Variants in NELL2 observed in about 807,000 individuals in gnomAD.
NELL2 encodes neural EGFL like 2, also known as protein kinase C-binding protein NELL2.
In NELL2, 41 loss-of-function variants were observed where a neutral mutation model predicts 109.6. The ratio of observed to expected loss-of-function variants is 0.37; its 90% CI spans 0.29 to 0.49. The LOEUF is 0.49. NELL2 is among the 20% of genes least tolerant of loss of function. NELL2 has a pLI of 0.98. For missense variants in NELL2, 900 were observed against 1,008.3 expected (o/e 0.89, Z 1.45); for synonymous variants, 355 against 344.7 (o/e 1.03, Z -0.33).
intron 12 of NELL2, among the ~76,000 whole-genome samples, chr12:44,676,338 T>C (rs990936338): frequency 6.6e-6 from 1 of 152,118 alleles, no homozygotes; most frequent in South Asian, 2.1e-4. Context: ...ATATAAAATT[T>C]CTAAGTTTAA....
intron 15 of NELL2, among the ~76,000 whole-genome samples, chr12:44,592,983 A>T (rs555160448): frequency 8.5e-5 from 13 of 152,102 alleles, no homozygotes; most frequent in Non-Finnish European, 1.8e-4. Context: ...AATTTGGAAC[A>T]CTCTGCTACA....
intron 3 of NELL2, among the ~76,000 whole-genome samples, chr12:44,811,337 T>TAACAAAAAAAAAAAA (rs1943171164): frequency 9.7e-6 from 1 of 103,210 alleles, no homozygotes; most frequent in African/African-American, 4.0e-5. Context: ...GAACTAAAAG[T>TAACAAAAAAAAAAAA]AAAAAAAAAA....
At chr12:44,661,363 A>T (rs1038513874) in intron 13 of NELL2, among the ~76,000 whole-genome samples, 1 of 152,084 alleles carries the variant, frequency 6.6e-6, no homozygotes, top group African/African-American at 2.4e-5. Flanking sequence ...TTGCACTAAA[A>T]CTTTTTAATA....
At chr12:44,585,527 G>C (rs1373193015) in intron 15 of NELL2, among the ~76,000 whole-genome samples, 1 of 151,974 alleles carries the variant, frequency 6.6e-6, no homozygotes, top group East Asian at 1.9e-4. Context: ...AATAAAACAA[G>C]AGTTAAATAT....
At chr12:44,583,936 C>T (rs1944411035) in intron 15 of NELL2, among the ~76,000 whole-genome samples, 1 of 152,230 alleles carries the variant, frequency 6.6e-6, no homozygotes, top group Non-Finnish European at 1.5e-5. Flanking sequence ...CCACACCTGG[C>T]TAATTTTTGT....
intron 5 of NELL2, 74 bp from the exon 6 acceptor site, chr12:44,777,388 G>T: frequency 8.3e-7 from 1 of 1,200,068 alleles, no homozygotes; most frequent in Non-Finnish European, 1.2e-6. Context: ...TCAAGTTCAT[G>T]AAGGAAAATA....
At chr12:44,561,845 A>G (rs1943477662) in intron 15 of NELL2, among the ~76,000 whole-genome samples, 1 of 152,242 alleles carries the variant, frequency 6.6e-6, no homozygotes, top group Non-Finnish European at 1.5e-5. Flanking sequence ...GAACCAAAAA[A>G]GAGTCTGTAT....
intron 15 of NELL2, among the ~76,000 whole-genome samples, chr12:44,568,825 T>C (rs1308715386): frequency 6.6e-6 from 1 of 152,090 alleles, no homozygotes; most frequent in East Asian, 1.9e-4. Context: ...TAGTTAGGCT[T>C]TTAAATTAGA....
chr12:44,862,393 T>C (rs910541659), intron 2 of NELL2, among the ~76,000 whole-genome samples: 1 of 152,112 alleles, frequency 6.6e-6, no homozygotes, highest in Admixed American at 6.6e-5. Flanking sequence ...TGTCAAATCC[T>C]AGAAAATGTA....
chr12:44,883,261 A>ATCTAG (rs1479031948), intron 1 of NELL2, among the ~76,000 whole-genome samples: 1 of 151,984 alleles, frequency 6.6e-6, no homozygotes, highest in African/African-American at 2.4e-5. Context: ...CTAGGGAAGA[A>ATCTAG]TCTATTTCTA....
intron 16 of NELL2, among the ~76,000 whole-genome samples, chr12:44,527,525 A>G (rs1398942354): frequency 1.3e-5 from 2 of 152,222 alleles, no homozygotes; most frequent in Non-Finnish European, 2.9e-5. Flanking sequence ...TAACCTAAAA[A>G]GTAATGACAC....
chr12:44,648,128 G>A (rs1176324599), intron 13 of NELL2, among the ~76,000 whole-genome samples: 4 of 152,114 alleles, frequency 2.6e-5, no homozygotes, highest in Non-Finnish European at 5.9e-5. Flanking sequence ...AGAGATATAG[G>A]GCTGGACTCT....
chr12:44,727,672 G>A (rs1225803215), intron 9 of NELL2, among the ~76,000 whole-genome samples: 1 of 151,894 alleles, frequency 6.6e-6, no homozygotes, highest in Non-Finnish European at 1.5e-5. Context: ...TATTTGTTGA[G>A]GTATATCGTA....
chr12:44,764,259 A>C (rs1941240501), intron 9 of NELL2, among the ~76,000 whole-genome samples: 2 of 152,178 alleles, frequency 1.3e-5, no homozygotes, highest in Admixed American at 1.3e-4. Flanking sequence ...TATCAAAAAC[A>C]AGTAAAATCC....
At chr12:44,746,706 C>T (rs1025635761) in intron 9 of NELL2, among the ~76,000 whole-genome samples, 1 of 152,206 alleles carries the variant, frequency 6.6e-6, no homozygotes, top group Non-Finnish European at 1.5e-5. Flanking sequence ...AAATGCTCAT[C>T]ATCACTGGCC....
At chr12:44,908,999 T>G (rs1019395889) in intron 1 of NELL2, among the ~76,000 whole-genome samples, 3 of 151,792 alleles carry the variant, frequency 2.0e-5, no homozygotes, top group African/African-American at 7.3e-5. Flanking sequence ...ACAGAGTAAT[T>G]GAGAAATCAA....
At chr12:44,761,680 T>C (rs34775637) in intron 9 of NELL2, among the ~76,000 whole-genome samples, 19,928 of 152,212 alleles carry the variant, frequency 0.13, 1,570 homozygotes, top group East Asian at 0.23. Context: ...ATATACATCA[T>C]GGAATACTAC....
chr12:44,673,845 T>C (rs1354749229), intron 12 of NELL2, among the ~76,000 whole-genome samples: 1 of 152,138 alleles, frequency 6.6e-6, no homozygotes, highest in Non-Finnish European at 1.5e-5. Flanking sequence ...GTCAAATAAG[T>C]TTCAAGACCA....
At chr12:44,655,784 A>G (rs1947478441) in intron 13 of NELL2, among the ~76,000 whole-genome samples, 1 of 152,140 alleles carries the variant, frequency 6.6e-6, no homozygotes, top group Admixed American at 6.5e-5. Flanking sequence ...ATATTTTCAA[A>G]TTACTTAATA....
Sources: allele counts gnomAD v4.1 joint callset (sites outside exome capture counted in the v4.1 genomes callset), GRCh38; gene constraint gnomAD v4.1.1; transcripts MANE v1.5; gene names NCBI Gene and HGNC (gene_info 2026-07-23, HGNC 2026-07-21).